IRX6: variants seen among roughly 807,000 people sequenced by gnomAD.
IRX6 encodes the protein iroquois homeobox 6.
A neutral mutation model predicts 47.7 loss-of-function variants in IRX6; 46 were observed. The observed-to-expected ratio is 0.96, with a 90% CI of 0.76 to 1.23. The LOEUF (loss-of-function observed/expected upper bound fraction) is 1.23. IRX6 is among the 50% of genes most tolerant of loss of function. IRX6 has a pLI of 0.00. For synonymous variants in IRX6, 265 were observed against 246.2 expected (o/e 1.08, Z -0.72); for missense variants, 722 against 588.0 (o/e 1.23, Z -2.36).
intron 3 of IRX6, 28 bp downstream of exon 3, chr16:55,327,433 G>T: frequency 6.3e-7 from 1 of 1,587,566 alleles, no homozygotes; most frequent in Non-Finnish European, 8.6e-7. Flanking sequence ...TTGGTGACTG[G>T]CACTGTGAGT....
intron 5 of IRX6, among the ~76,000 whole-genome samples, chr16:55,329,864 C>T (rs1210193769): frequency 6.6e-6 from 1 of 152,234 alleles, no homozygotes; most frequent in African/African-American, 2.4e-5. Flanking sequence ...TGTAGACATG[C>T]CCCTGCGGTC....
In IRX6 at chr16:55,327,725, A is replaced by G. The variant is rs548710985; in HGVS notation, c.553A>G (p.Ile185Val). 4.3e-6 allele frequency: 7 copies of G among 1,612,368 alleles called. No homozygotes were observed. The highest frequency in any genetic ancestry group is 3.4e-6 in the Non-Finnish European group (4 of 1,179,986). ...GGGTGAGAAGATCATGCTGGCCATC[A>G]TCACCAAGATGACCCTCACCCAGGT... ...TKGEKIMLAI[I>V]TKMTLTQVST... The change falls in exon 4 of 6, where the codon ATC becomes GTC. Residue 185 changes from isoleucine to valine, a missense_variant. Transcript: ENST00000290552.
At chr16:55,330,222 A>G in intron 5 of IRX6, 76 bp from the exon 6 acceptor site, 1 of 1,357,810 alleles carries the variant, frequency 7.4e-7, no homozygotes, top group Non-Finnish European at 1.1e-6. Context: ...TTCAGAAGAG[A>G]CATGGCTGAC....
In IRX6 at chr16:55,327,757, C is replaced by T. The variant is rs1248257777; in HGVS notation, c.585C>T (p.Thr195=). The T allele has an allele frequency of 1.9e-6, 3 of 1,612,382 alleles. No homozygotes were observed. The highest frequency in any genetic ancestry group is 2.7e-5 in the African/African-American group (2 of 74,860). ...AGATGACCCTCACCCAGGTGTCCAC[C>T]TGGTTCGCCAACGCACGCCGGCGCC... The part of the protein sequence containing the change: ...ITKMTLTQVS[T]WFANARRRLK... Residue 195 remains threonine, a synonymous_variant, in exon 4 of 6, where the codon ACC becomes ACT. Transcript: ENST00000290552.
Position 55,329,306 on chromosome 16 carries a change from C to T in IRX6, c.1328C>T (p.Ala443Val). The change falls in exon 5 of 6, where the codon GCA (alanine) becomes GTA (valine). Residue 443 changes from alanine to valine, a missense_variant. Physicochemically the swap from Ala to Val is moderately conservative, Grantham distance 64. Transcript: ENST00000290552. ...PVVQCQYPSG[A>V]EAG is the part of the protein sequence containing the mutation. ...GTGCAGTGCCAGTACCCGTCTGGAGCAGAAGGTAGTGGGCCCCCAGCGGCG... is the reference window on the plus strand; with the variant it reads ...GTGCAGTGCCAGTACCCGTCTGGAGTAGAAGGTAGTGGGCCCCCAGCGGCG... 1.3e-6 allele frequency: 2 copies of T among 1,596,180 alleles called. No homozygotes were observed. Among genetic ancestry groups the T allele is most frequent in the African/African-American group, 1.3e-5 (1 of 74,740 alleles).
rs373730702 is a variant in IRX6, at chr16:55,327,810, C to T, written c.638C>T (p.Ala213Val). 28 of 1,612,786 alleles carry T rather than the reference C, an allele frequency of 1.7e-5. No individual in the cohort carries two copies. The highest frequency in any genetic ancestry group is 4.0e-5 in the African/African-American group (3 of 74,824). ...AAGAAAGAGAACAAAATGACATGGG[C>T]GCCCAAGAACAAAGGTGGGGAGGAG... ...RLKKENKMTWAPKNKGGEERK... is the reference protein window; with the variant it reads ...RLKKENKMTWVPKNKGGEERK... The change falls in exon 4 of 6, where the codon GCG becomes GTG. Residue 213 changes from alanine to valine, a missense_variant. Transcript: ENST00000290552.
intron 4 of IRX6, 29 bp downstream of exon 4, chr16:55,327,922 A>G: frequency 6.4e-7 from 1 of 1,557,688 alleles, no homozygotes; most frequent in Non-Finnish European, 8.7e-7. Context: ...ACCCCACCTT[A>G]AGGGTTTTAC....
Position 55,324,913 on chromosome 16 carries a change from GC to G in IRX6, c.-178del. On this transcript the variant is annotated 5_prime_UTR_variant, in exon 1 of 6. It removes the in-frame stop codon of an upstream open reading frame in the 5' UTR. Transcript: ENST00000290552. This position sits in a 1 kb window ranked among gnomAD's most constrained non-coding sequence, Gnocchi z 4.4. The stretch of plus-strand genomic sequence containing the variant: ...GGAGGGGCGCCTTCCGGAGCGCAGG[GC>G]TCGGCAGCCGGGCTGCCCTCGGCTC... 1 of 635,480 alleles carries G rather than the reference GC, an allele frequency of 1.6e-6. No homozygotes were observed. The allele number at this position is 635,480 out of a possible 1,614,324, so 39.4% of individuals were successfully genotyped here.
rs1298443760 is a variant in IRX6, at chr16:55,330,473, G to T, written c.*168G>T. The T allele has an allele frequency of 4.2e-6, 3 of 709,452 alleles. No homozygotes were observed. The highest frequency in any genetic ancestry group is 7.4e-6 in the Non-Finnish European group (3 of 402,842). The allele number at this position is 709,452 out of a possible 1,614,324, so 43.9% of individuals were successfully genotyped here. A position where few individuals can be genotyped will look rare whatever the true frequency, so the allele number is the denominator to read the frequency against. On this transcript the variant is annotated 3_prime_UTR_variant, in exon 6 of 6. Transcript: ENST00000290552. ...GCAGCTGTCCTTGCACGCAGAGCTG[G>T]GGTGGTGGGCCGACTTGAACCTTAG... is the stretch of plus-strand genomic sequence containing the variant.
chr16:55,325,745 T>G (rs1404013920), intron 1 of IRX6: 1 of 153,410 alleles, frequency 6.5e-6, no homozygotes, highest in Non-Finnish European at 1.4e-5. Context: ...CAAACCAAAG[T>G]GGATGTTGTG....
In IRX6 at chr16:55,327,861, ACTCACTAGGCTGCCTAACTG is replaced by A; in HGVS notation, c.692_711del (p.Ser231Ter). ...AGGAAGGCAGAGGGAGGAGAGGAGG[ACTCACTAGGCTGCCTAACTG>A]CTGACACCAAAGGTACTGAAAACGT... On this transcript the variant is annotated frameshift_variant, in exon 4 of 6. Coordinates refer to ENST00000290552, the MANE Select transcript of IRX6 (RefSeq NM_024335.3). LOFTEE classifies it high-confidence loss of function. The A allele has an allele frequency of 1.2e-6, 2 of 1,610,254 alleles. No homozygotes were observed. Among genetic ancestry groups the A allele is most frequent in the Non-Finnish European group, 1.7e-6 (2 of 1,178,188 alleles).
chr16:55,327,553 C>A, intron 3 of IRX6, 33 bp from the exon 4 acceptor site: 1 of 1,580,510 alleles, frequency 6.3e-7, no homozygotes, highest in Non-Finnish European at 8.6e-7. Context: ...CCTTGTTCCT[C>A]TTCTATAATG....
chr16:55,326,962 GGGGT>G (rs202013829), intron 2 of IRX6: 1,499 of 148,928 alleles, frequency 0.01, 182 homozygotes, highest in East Asian at 0.055. Flanking sequence ...CAGGGGGCGG[GGGGT>G]GGGGGGCAGT....
chr16:55,325,574 A>G (rs1370536421), intron 1 of IRX6, among the ~76,000 whole-genome samples: 4 of 139,468 alleles, frequency 2.9e-5, no homozygotes, highest in East Asian at 2.2e-4. Context: ...AGAAAGAGAA[A>G]GAAAGAAAGA....
At chr16:55,330,137 C>T (rs922124875) in intron 5 of IRX6, among the ~76,000 whole-genome samples, 161 bp from the exon 6 acceptor site, 1 of 152,240 alleles carries the variant, frequency 6.6e-6, no homozygotes, top group African/African-American at 2.4e-5. Flanking sequence ...GTGGGTTACA[C>T]TGTTATTTGA....
chr16:55,327,520 C>T, intron 3 of IRX6, 66 bp from the exon 4 acceptor site: 1 of 1,577,208 alleles, frequency 6.3e-7, no homozygotes, highest in Non-Finnish European at 8.6e-7. Context: ...TTCCACGCCA[C>T]AGACTGTCCT....
At chr16:55,327,992 T>C (rs1478223404) in intron 4 of IRX6, 99 bp downstream of exon 4, 3 of 1,191,010 alleles carry the variant, frequency 2.5e-6, no homozygotes, top group African/African-American at 1.5e-5. Context: ...TTCTGGAAGG[T>C]CCTCAGACTT....
chr16:55,326,802 G>A (rs1960536147), intron 2 of IRX6: 1 of 503,184 alleles, frequency 2.0e-6, no homozygotes, highest in Non-Finnish European at 3.4e-6. Flanking sequence ...AGGTAGGCAA[G>A]TAATCATTAA....
Position 55,326,475 on chromosome 16 carries a change from C to T in IRX6, c.185C>T (p.Pro62Leu), listed in dbSNP as rs759942468. The change falls in exon 2 of 6, where the codon CCG becomes CTG. Residue 62 changes from proline to leucine, a missense_variant. By Grantham distance (98) the Pro-to-Leu change is moderately conservative (BLOSUM62 -3). Coordinates refer to ENST00000290552, the MANE Select transcript of IRX6 (RefSeq NM_024335.3). Reference protein sequence around the residue: ...YDSRLLGSARPELGAALGIYG... With the variant: ...YDSRLLGSARLELGAALGIYG... ...AGTCGACTGCTGGGCAGTGCGCGAC[C>T]GGAGCTGGGCGCCGCCTTGGGCATC... 1.2e-5 allele frequency: 19 copies of T among 1,613,154 alleles called. No individual in the cohort carries two copies. The highest frequency in any genetic ancestry group is 1.1e-4 in the African/African-American group (8 of 74,928).
Sources: allele counts gnomAD v4.1 joint callset (sites outside exome capture counted in the v4.1 genomes callset), GRCh38; gene constraint gnomAD v4.1.1; non-coding constraint Gnocchi (gnomAD v3.1); transcripts MANE v1.5; gene names NCBI Gene and HGNC (gene_info 2026-07-23, HGNC 2026-07-21).